Variants in TERF1 observed in about 807,000 individuals in gnomAD.
TERF1 encodes the protein telomeric repeat-binding factor 1.
Under a neutral mutation model 55.1 loss-of-function variants are expected in TERF1, and 20 were observed. The ratio of observed to expected loss-of-function variants is 0.36; its 90% CI spans 0.26 to 0.53. The LOEUF (loss-of-function observed/expected upper bound fraction) is 0.53, where lower values mean the gene tolerates loss of function less well. Among genes scored for constraint, TERF1 ranks in the 20% least tolerant of loss-of-function variants. The probability of loss-of-function intolerance (pLI) is 0.91; values close to 1 mark genes in which losing one functional copy is unlikely to be tolerated. For synonymous variants in TERF1, 168 were observed against 181.2 expected (o/e 0.93, Z 0.59); for missense variants, 439 against 535.7 (o/e 0.82, Z 1.78).
intron 1 of TERF1, chr8:73,011,864 A>G (rs1265467768): frequency 7.9e-5 from 12 of 152,074 alleles, no homozygotes; most frequent in African/African-American, 2.9e-4. Flanking sequence ...CATATGAGCA[A>G]TAGGCTCTTT....
intron 1 of TERF1, 146 bp downstream of exon 1, chr8:73,009,351 T>G: frequency 1.4e-6 from 1 of 735,780 alleles, no homozygotes; most frequent in South Asian, 1.9e-5. Flanking sequence ...GGGCTGAACT[T>G]TGTTCGAATC....
At position 73,008,949 on chromosome 8, in the gene TERF1, C is replaced by A. The variant is rs139198822; in HGVS notation, c.63C>A (p.Ala21=). ...GGGGCTGTGCGGATGGTAGGGATGC[C>A]GACCCTACTGAGGAGCAGATGGCAG... ...SPRGCADGRD[A]DPTEEQMAET... Residue 21 remains alanine, a synonymous_variant, in exon 1 of 10, where the codon GCC becomes GCA. Transcript: ENST00000276603. 8.1e-6 allele frequency: 13 copies of A among 1,612,958 alleles called. No homozygotes were observed. The highest frequency in any genetic ancestry group is 1.3e-5 in the African/African-American group (1 of 75,040).
At chr8:73,028,069 A>T (rs890809403) in intron 6 of TERF1, among the ~76,000 whole-genome samples, 1 of 152,172 alleles carries the variant, frequency 6.6e-6, no homozygotes, top group African/African-American at 2.4e-5. Flanking sequence ...TGGCCCAATT[A>T]CTTCCTTTTG....
intron 8 of TERF1, chr8:73,038,566 A>G (rs1356186768): frequency 6.5e-6 from 1 of 154,542 alleles, no homozygotes; most frequent in African/African-American, 2.4e-5. Context: ...TTGCTAATGA[A>G]TAGAAATCCT....
chr8:73,020,726 C>A lies in TERF1; in HGVS notation c.458C>A (p.Ser153Ter), dbSNP rs1436620878. Residue 153 changes from serine (S) to a stop codon, truncating the protein, a stop_gained, in exon 3 of 10, where the codon TCA becomes TAA. Coordinates refer to ENST00000276603, the MANE Select transcript of TERF1 (RefSeq NM_017489.3). LOFTEE classifies it high-confidence loss of function. ...GATGAACGAATTACACCCTTGGAAT[C>A]AGCCCTGATGATTTGGGGTTCAATT... ...ENDERITPLE[S>*]ALMIWGSIEK... is the part of the protein sequence containing the mutation. 1 of 1,603,344 alleles carries A rather than the reference C, an allele frequency of 6.2e-7. No homozygotes were observed. Among genetic ancestry groups the A allele is most frequent in the Non-Finnish European group, 8.5e-7 (1 of 1,174,820 alleles).
intron 8 of TERF1, among the ~76,000 whole-genome samples, chr8:73,034,502 C>T (rs1375378212): frequency 6.6e-6 from 1 of 152,154 alleles, no homozygotes; most frequent in Non-Finnish European, 1.5e-5. Context: ...CAAACTCAAG[C>T]AATCTGCTTG....
chr8:73,044,321 T>C (rs1398973524), intron 9 of TERF1, among the ~76,000 whole-genome samples: 3 of 152,172 alleles, frequency 2.0e-5, no homozygotes, highest in Non-Finnish European at 2.9e-5. Flanking sequence ...ATCTTGGATT[T>C]AAGTCACAAA....
intron 8 of TERF1, among the ~76,000 whole-genome samples, chr8:73,033,785 G>T (rs535031203): frequency 1.3e-5 from 2 of 152,266 alleles, no homozygotes; most frequent in East Asian, 3.9e-4. Context: ...CAGTGACTGT[G>T]GCTATTGAGT....
chr8:73,041,332 T>A (rs553287444), intron 9 of TERF1, among the ~76,000 whole-genome samples: 2 of 152,320 alleles, frequency 1.3e-5, no homozygotes, highest in Non-Finnish European at 2.9e-5. Flanking sequence ...TCTCTGGGTT[T>A]CCCTAGAGAC....
intron 7 of TERF1, 98 bp downstream of exon 7, chr8:73,030,493 G>A (rs1809240348): frequency 1.3e-6 from 1 of 750,896 alleles, no homozygotes; most frequent in Non-Finnish European, 2.0e-6. Context: ...TGGTACAATT[G>A]AAAGAATATC....
intron 8 of TERF1, among the ~76,000 whole-genome samples, chr8:73,032,917 G>A (rs1454380388): frequency 2.7e-5 from 4 of 150,890 alleles, no homozygotes; most frequent in South Asian, 2.1e-4. Context: ...TGTTCACAAC[G>A]TGCAGGTTTG....
intron 9 of TERF1, among the ~76,000 whole-genome samples, chr8:73,040,172 A>G (rs1809776279): frequency 1.3e-5 from 2 of 152,062 alleles, no homozygotes; most frequent in Admixed American, 6.6e-5. Flanking sequence ...TTTGCTTCCT[A>G]CACATATTAC....
At chr8:73,030,237 T>A in intron 6 of TERF1, 99 bp from the exon 7 acceptor site, 2 of 766,008 alleles carry the variant, frequency 2.6e-6, no homozygotes, top group Non-Finnish European at 4.1e-6. Context: ...CAAAGTTATT[T>A]TTTTATAAAT....
chr8:73,025,540 C>T (rs1345453171), intron 5 of TERF1, among the ~76,000 whole-genome samples: 2 of 151,746 alleles, frequency 1.3e-5, no homozygotes, highest in East Asian at 3.9e-4. Context: ...ATCACACGGT[C>T]AGGCGGATCA....
intron 8 of TERF1, among the ~76,000 whole-genome samples, chr8:73,038,306 T>C (rs1360639625): frequency 6.6e-6 from 1 of 151,832 alleles, no homozygotes; most frequent in African/African-American, 2.4e-5. Context: ...TTTAAAAAAT[T>C]AGTCGGGCAT....
At chr8:73,021,151 A>G (rs1808734836) in intron 3 of TERF1, among the ~76,000 whole-genome samples, 1 of 152,212 alleles carries the variant, frequency 6.6e-6, no homozygotes, top group African/African-American at 2.4e-5. Context: ...CCAAGTAGGG[A>G]GAATTTTAGT....
Position 73,009,208 on chromosome 8 carries a change from G to A in TERF1, c.319+3G>A. ...CAGGACCCGCAACAGCGCAGAGGGT[G>A]AGTGCAGACCGCGTCCGGGCCGGGA... On this transcript the variant is annotated splice_donor_region_variant and intron_variant, in intron 1 of 9. Coordinates refer to ENST00000276603, the MANE Select transcript of TERF1 (RefSeq NM_017489.3). The A allele has an allele frequency of 1.2e-6, 2 of 1,609,096 alleles. No individual in the cohort carries two copies. The highest frequency in any genetic ancestry group is 2.2e-5 in the South Asian group (2 of 90,872).
chr8:73,035,401 T>C (rs1019694273), intron 8 of TERF1, among the ~76,000 whole-genome samples: 6 of 152,174 alleles, frequency 3.9e-5, no homozygotes, highest in African/African-American at 1.4e-4. Context: ...TCTATTTCAG[T>C]CTGTGAATAT....
chr8:73,019,470 A>C (rs1808658653), intron 2 of TERF1, among the ~76,000 whole-genome samples: 1 of 152,192 alleles, frequency 6.6e-6, no homozygotes, highest in African/African-American at 2.4e-5. Flanking sequence ...TAAGTTCCAA[A>C]ACAGACAACT....
Sources: gnomAD v4.1 joint callset for allele counts (sites outside exome capture counted in the v4.1 genomes callset) on GRCh38, gnomAD v4.1.1 for gene constraint, MANE v1.5 for transcripts, NCBI Gene and HGNC (gene_info 2026-07-23, HGNC 2026-07-21) for gene names.